Variants in TTC39C observed in about 807,000 individuals in gnomAD.
TTC39C encodes the protein tetratricopeptide repeat protein 39C.
In TTC39C, 33 loss-of-function variants were observed where a neutral mutation model predicts 76.3. The ratio of observed to expected loss-of-function variants is 0.43; its 90% CI spans 0.33 to 0.58. The LOEUF is 0.58. Ranked by LOEUF, TTC39C falls within the 20% of genes least tolerant of loss-of-function variation. The pLI, the probability that TTC39C is intolerant of heterozygous loss-of-function variation, is 0.04. For missense variants in TTC39C, 595 were observed against 701.4 expected, an observed-to-expected ratio of 0.85 and a Z score of 1.71; for synonymous variants, 254 against 260.6, an observed-to-expected ratio of 0.97 and a Z score of 0.24.
chr18:24,131,839 T>C (rs768613636), intron 12 of TTC39C, 43 bp from the exon 13 acceptor site: 5 of 1,579,694 alleles, frequency 3.2e-6, no homozygotes, highest in Non-Finnish European at 4.3e-6. Context: ...TGCCTGCGTA[T>C]ATATAAACAC....
At chr18:24,119,915 G>A (rs189183666) in intron 8 of TTC39C, among the ~76,000 whole-genome samples, 1 of 151,976 alleles carries the variant, frequency 6.6e-6, no homozygotes, top group East Asian at 1.9e-4. Flanking sequence ...TCTTTGTTGA[G>A]TTTCAAATAC....
intron 1 of TTC39C, among the ~76,000 whole-genome samples, chr18:24,041,006 T>C (rs1223874782): frequency 6.6e-6 from 1 of 152,178 alleles, no homozygotes; most frequent in Non-Finnish European, 1.5e-5. Context: ...AATTTTGCAT[T>C]AGCTACAGTA....
Position 24,023,754 on chromosome 18 carries a change from G to C in TTC39C, c.167+8716G>C, listed in dbSNP as rs556339606. Reference sequence around the variant, plus strand: ...CTCTGGGAGAATCTGGTGGCTAGGAGGGGAAGCTTGCTAGAGCAGTGACTC... The same window carrying C: ...CTCTGGGAGAATCTGGTGGCTAGGACGGGAAGCTTGCTAGAGCAGTGACTC... On this transcript the variant is annotated intron_variant, in intron 1 of 13. Transcript: ENST00000317571. Among the ~76,000 whole-genome samples the C allele has an allele frequency of 1.5e-4, 23 of 151,684 alleles. No individual in the cohort carries two copies. In the East Asian group the frequency reaches 4.3e-3, roughly 28 times the overall value.
At chr18:24,068,422 C>G (rs937764840) in intron 3 of TTC39C, among the ~76,000 whole-genome samples, 1 of 152,132 alleles carries the variant, frequency 6.6e-6, no homozygotes, top group Non-Finnish European at 1.5e-5. Flanking sequence ...TGCAAAAATT[C>G]TATTATTTCA....
chr18:24,131,752 T>C, intron 12 of TTC39C, 130 bp from the exon 13 acceptor site: 2 of 707,338 alleles, frequency 2.8e-6, no homozygotes, highest in Non-Finnish European at 4.7e-6. Context: ...GTCATTATAC[T>C]TGAATGAACA....
intron 6 of TTC39C, among the ~76,000 whole-genome samples, chr18:24,107,062 G>A (rs1302529439): frequency 2.6e-5 from 4 of 152,074 alleles, no homozygotes; most frequent in African/African-American, 7.2e-5. Context: ...TATTCTTTTC[G>A]CAACTCTAGA....
chr18:24,127,545 T>C (rs1474698055), intron 10 of TTC39C, among the ~76,000 whole-genome samples: 1 of 152,136 alleles, frequency 6.6e-6, no homozygotes, highest in Non-Finnish European at 1.5e-5. Context: ...TGAGACAGGG[T>C]CATGCTCTGT....
chr18:24,027,207 G>A (rs1331382540), intron 1 of TTC39C, among the ~76,000 whole-genome samples: 1 of 151,916 alleles, frequency 6.6e-6, no homozygotes, highest in Non-Finnish European at 1.5e-5. Flanking sequence ...CAGGAGAATC[G>A]CTTGAACCCG....
intron 1 of TTC39C, among the ~76,000 whole-genome samples, chr18:24,006,977 A>C (rs2083358441): frequency 6.6e-6 from 1 of 152,226 alleles, no homozygotes; most frequent in South Asian, 2.1e-4. Flanking sequence ...ATACTACGAA[A>C]AACCAGAGTA....
intron 6 of TTC39C, among the ~76,000 whole-genome samples, chr18:24,097,596 A>G (rs1035940969): frequency 6.6e-6 from 1 of 152,224 alleles, no homozygotes; most frequent in South Asian, 2.1e-4. Context: ...GTCCTCTTCA[A>G]TTAGGGCATG....
chr18:24,016,209 T>G (rs541896083), intron 1 of TTC39C, among the ~76,000 whole-genome samples: 1 of 152,092 alleles, frequency 6.6e-6, no homozygotes, highest in South Asian at 2.1e-4. Context: ...GGTGATTTTT[T>G]CCCCCCTTTG....
At chr18:24,069,131 G>GT (rs1568425775) in intron 3 of TTC39C, 26 bp from the exon 4 acceptor site, 1 of 1,540,860 alleles carries the variant, frequency 6.5e-7, no homozygotes, top group Non-Finnish European at 9.0e-7. Context: ...TGATTTATCA[G>GT]TGTGGACATT....
At chr18:24,027,430 A>G (rs4800533) in intron 1 of TTC39C, among the ~76,000 whole-genome samples, 10,757 of 152,226 alleles carry the variant, frequency 0.071, 709 homozygotes, top group Admixed American at 0.17. Context: ...TGTGTTGGCA[A>G]CTGATATCTG....
At chr18:24,109,070 G>A (rs2084779278) in intron 6 of TTC39C, among the ~76,000 whole-genome samples, 1 of 150,642 alleles carries the variant, frequency 6.6e-6, no homozygotes, top group Non-Finnish European at 1.5e-5. Context: ...TGGGTGCTGT[G>A]GCTCATGCCT....
intron 4 of TTC39C, among the ~76,000 whole-genome samples, chr18:24,071,160 C>A (rs141238941): frequency 2.0e-5 from 3 of 152,112 alleles, no homozygotes; most frequent in African/African-American, 7.2e-5. Context: ...GAACTCTGAC[C>A]TTGTGATCTG....
intron 8 of TTC39C, among the ~76,000 whole-genome samples, chr18:24,122,772 GATC>G (rs2084987602): frequency 6.6e-6 from 1 of 152,098 alleles, no homozygotes; most frequent in Admixed American, 6.6e-5. Context: ...GTGTGCACAT[GATC>G]ATGATCAAAA....
intron 10 of TTC39C, 103 bp downstream of exon 10, chr18:24,125,653 G>A (rs1568447267): frequency 3.5e-6 from 5 of 1,442,432 alleles, no homozygotes; most frequent in African/African-American, 1.4e-5. Flanking sequence ...TTATCTCATC[G>A]GAGTCAGGGA....
At chr18:24,016,999 A>G (rs1249311155) in intron 1 of TTC39C, among the ~76,000 whole-genome samples, 1 of 152,182 alleles carries the variant, frequency 6.6e-6, no homozygotes, top group Non-Finnish European at 1.5e-5. Flanking sequence ...CACAAACACT[A>G]TAGTTCTAAA....
intron 1 of TTC39C, among the ~76,000 whole-genome samples, chr18:24,016,012 T>A (rs144700592): frequency 6.6e-6 from 1 of 152,268 alleles, no homozygotes; most frequent in Non-Finnish European, 1.5e-5. Context: ...ACCCTGTAGT[T>A]TGGTTGGAAT....
Sources: allele counts gnomAD v4.1 joint callset (sites outside exome capture counted in the v4.1 genomes callset), GRCh38; gene constraint gnomAD v4.1.1; transcripts MANE v1.5; gene names NCBI Gene and HGNC (gene_info 2026-07-23, HGNC 2026-07-21).